DYTN: variants seen among roughly 807,000 people sequenced by gnomAD.
DYTN encodes the protein dystrotelin.
A neutral mutation model predicts 69.6 loss-of-function variants in DYTN; 75 were observed. The observed-to-expected ratio is 1.08, with a 90% CI of 0.89 to 1.31. DYTN has a LOEUF of 1.31. Among genes scored for constraint, DYTN ranks in the 50% most tolerant of loss-of-function variants. The pLI is 0.00. For missense variants in DYTN, 726 were observed against 688.4 expected, an observed-to-expected ratio of 1.05 and a Z score of -0.61; for synonymous variants, 252 against 249.1, an observed-to-expected ratio of 1.01 and a Z score of -0.11.
chr2:206,662,626 G>T (rs929363161), intron 11 of DYTN, among the ~76,000 whole-genome samples: 2 of 151,460 alleles, frequency 1.3e-5, no homozygotes, highest in East Asian at 1.9e-4. Flanking sequence ...ACAATATTTT[G>T]CAATAACAAA....
chr2:206,697,215 A>G (rs564795079), intron 7 of DYTN, among the ~76,000 whole-genome samples: 31 of 152,342 alleles, frequency 2.0e-4, no homozygotes, highest in African/African-American at 7.0e-4. Context: ...ACCTACAGGT[A>G]TATGAGAATG....
chr2:206,707,283 G>C lies in DYTN; in HGVS notation c.296+19C>G, dbSNP rs373859792. The C allele has an allele frequency of 1.9e-6, 3 of 1,606,300 alleles. No individual in the cohort carries two copies. Among genetic ancestry groups the C allele is most frequent in the Non-Finnish European group, 2.5e-6 (3 of 1,176,528 alleles). On this transcript the variant is annotated intron_variant, in intron 3 of 11. Coordinates refer to ENST00000452335, the MANE Select transcript of DYTN (RefSeq NM_001093730.1). The stretch of plus-strand genomic sequence containing the variant: ...TAAACTTTGCCTTTGAGGTCACAGC[G>C]CGACGTCCACACCCTCACCTGTTGT...
intron 2 of DYTN, among the ~76,000 whole-genome samples, chr2:206,710,021 C>T (rs1161353612): frequency 6.6e-6 from 1 of 152,054 alleles, no homozygotes; most frequent in South Asian, 2.1e-4. Context: ...AGGGAATTCT[C>T]GAGATAGTTT....
At chr2:206,678,388 A>T (rs1218864331) in intron 9 of DYTN, among the ~76,000 whole-genome samples, 2 of 152,270 alleles carry the variant, frequency 1.3e-5, no homozygotes, top group South Asian at 4.1e-4. Context: ...GCAATTTTGC[A>T]ATAAGCATGA....
chr2:206,699,126 T>G (rs966612848), intron 7 of DYTN, among the ~76,000 whole-genome samples: 2 of 152,198 alleles, frequency 1.3e-5, no homozygotes, highest in Non-Finnish European at 2.9e-5. Flanking sequence ...CTCCAAAATT[T>G]AAAAGGTTTC....
At chr2:206,673,456 C>T (rs973727427) in intron 9 of DYTN, among the ~76,000 whole-genome samples, 1 of 152,142 alleles carries the variant, frequency 6.6e-6, no homozygotes, top group Non-Finnish European at 1.5e-5. Context: ...CGGGGTTTCA[C>T]CACATTGGCC....
Position 206,656,068 on chromosome 2 carries a change from G to T in DYTN, c.1634-4147C>A, listed in dbSNP as rs988903708. 2.0e-5 allele frequency among the ~76,000 whole-genome samples: 3 copies of T among 151,994 alleles called. No homozygotes were observed. The South Asian group carries it at 6.2e-4, about 32-fold the overall frequency. On this transcript the variant is annotated intron_variant, in intron 11 of 11. Coordinates refer to ENST00000452335, the MANE Select transcript of DYTN (RefSeq NM_001093730.1). ...CTGTCTGGAGGTTCTAATCATTATT[G>T]AAAGTGGTTTATTGAAGTCCCCTAC...
chr2:206,668,169 T>C (rs907953983), intron 9 of DYTN, among the ~76,000 whole-genome samples: 1 of 152,240 alleles, frequency 6.6e-6, no homozygotes, highest in Non-Finnish European at 1.5e-5. Context: ...CAGTGTTCTC[T>C]GGACCCAAAG....
rs138685039 is a variant in DYTN at position 206,708,485 on chromosome 2, G to A, written c.95-982C>T. ...TGTTCTCTGATATTGCTTTTAAGAG[G>A]AGAGTCTAAGGAACAGAGGAACAAG... is the stretch of plus-strand genomic sequence containing the variant. On this transcript the variant is annotated intron_variant, in intron 2 of 11. Transcript: ENST00000452335. 1.4e-3 allele frequency among the ~76,000 whole-genome samples: 216 copies of A among 152,280 alleles called. 1 individual carries two copies. The highest frequency in any genetic ancestry group is 5.0e-3 in the African/African-American group (206 of 41,548).
At chr2:206,710,021 C>G (rs1161353612) in intron 2 of DYTN, among the ~76,000 whole-genome samples, 1 of 152,054 alleles carries the variant, frequency 6.6e-6, no homozygotes, top group East Asian at 1.9e-4. Flanking sequence ...AGGGAATTCT[C>G]GAGATAGTTT....
intron 9 of DYTN, among the ~76,000 whole-genome samples, chr2:206,667,691 C>CGTGCGTGTGTGT (rs1251338204): frequency 2.3e-5 from 3 of 130,368 alleles, no homozygotes; most frequent in African/African-American, 9.0e-5. Context: ...GGCAACTTTG[C>CGTGCGTGTGTGT]GTGTGCGTGT....
At chr2:206,700,062 G>A (rs1699960520) in intron 6 of DYTN, 83 bp downstream of exon 6, 1 of 1,578,336 alleles carries the variant, frequency 6.3e-7, no homozygotes, top group Non-Finnish European at 8.7e-7. Context: ...AGTAATAATA[G>A]GTCTGTAATG....
chr2:206,678,357 C>T (rs960917113), intron 9 of DYTN, among the ~76,000 whole-genome samples: 6 of 152,210 alleles, frequency 3.9e-5, no homozygotes, highest in African/African-American at 1.4e-4. Context: ...AGAAGCCTAA[C>T]TTGGTATTCC....
intron 7 of DYTN, among the ~76,000 whole-genome samples, chr2:206,698,051 T>A (rs2105898819): frequency 6.6e-6 from 1 of 152,318 alleles, no homozygotes; most frequent in African/African-American, 2.4e-5. Flanking sequence ...TTGCAGTAAC[T>A]CCTTAACTAA....
chr2:206,659,677 A>G (rs144951863), intron 11 of DYTN, among the ~76,000 whole-genome samples: 3,524 of 152,176 alleles, frequency 0.023, 49 homozygotes, highest in Non-Finnish European at 0.035. Flanking sequence ...ACTTTTAGTA[A>G]GTATGCATAG....
chr2:206,691,766 A>AT (rs750286739), intron 9 of DYTN, among the ~76,000 whole-genome samples: 1 of 152,200 alleles, frequency 6.6e-6, no homozygotes, highest in Non-Finnish European at 1.5e-5. Flanking sequence ...TTAAAGAGCC[A>AT]TAAAAACATA....
chr2:206,701,771 T>C (rs924397005), intron 5 of DYTN, among the ~76,000 whole-genome samples: 2 of 152,160 alleles, frequency 1.3e-5, no homozygotes, highest in African/African-American at 4.8e-5. Context: ...AAGAGCAGGT[T>C]TGAAGTATCC....
At chr2:206,700,457 C>T (rs1452308288) in intron 5 of DYTN, among the ~76,000 whole-genome samples, 1 of 152,160 alleles carries the variant, frequency 6.6e-6, no homozygotes, top group Admixed American at 6.5e-5. Flanking sequence ...GGAAGGAAGT[C>T]TGCCAATGAG....
rs185892674 is a variant in DYTN, at chr2:206,702,949, T to C, written c.483+1894A>G. 4.6e-5 allele frequency among the ~76,000 whole-genome samples: 7 copies of C among 152,146 alleles called. No homozygotes were observed. In the East Asian group the frequency reaches 7.7e-4, roughly 17 times the overall value. On this transcript the variant is annotated intron_variant, in intron 5 of 11. Coordinates refer to ENST00000452335, the MANE Select transcript of DYTN (RefSeq NM_001093730.1). The stretch of plus-strand genomic sequence containing the variant: ...ACCACTTGAAACGATAATTATGATG[T>C]TTAGGGGGGGATTTGAATCATGTAG...
Sources: gnomAD v4.1 joint callset for allele counts (sites outside exome capture counted in the v4.1 genomes callset) on GRCh38, gnomAD v4.1.1 for gene constraint, MANE v1.5 for transcripts, NCBI Gene and HGNC (gene_info 2026-07-23, HGNC 2026-07-21) for gene names.